ADGRD1: variants seen among roughly 807,000 people sequenced by gnomAD.
ADGRD1 encodes G-protein coupled receptor 133.
Under a neutral mutation model 113.4 loss-of-function variants are expected in ADGRD1, and 77 were observed. The ratio of observed to expected loss-of-function variants is 0.68; its 90% CI spans 0.57 to 0.82. ADGRD1 has a LOEUF of 0.82. ADGRD1 is among the 40% of genes least tolerant of loss of function. The pLI, the probability that ADGRD1 is intolerant of heterozygous loss-of-function variation, is 0.00. For missense variants in ADGRD1, 1,036 were observed against 1,139.1 expected, an observed-to-expected ratio of 0.91 and a Z score of 1.30; for synonymous variants, 474 against 475.0, an observed-to-expected ratio of 1.00 and a Z score of 0.03.
At chr12:131,127,049 G>A (rs1950753645) in intron 20 of ADGRD1, among the ~76,000 whole-genome samples, 1 of 151,970 alleles carries the variant, frequency 6.6e-6, no homozygotes, top group Non-Finnish European at 1.5e-5. Flanking sequence ...GGAAGCCACA[G>A]CAAATGTATC....
intron 12 of ADGRD1, among the ~76,000 whole-genome samples, chr12:131,011,878 G>C (rs1184938944): frequency 6.6e-6 from 1 of 152,204 alleles, no homozygotes; most frequent in African/African-American, 2.4e-5. Flanking sequence ...CACACCACAC[G>C]TCTTAGGGCC....
chr12:131,003,369 T>C lies in ADGRD1; in HGVS notation c.1144+67T>C. The C allele has an allele frequency of 1.8e-6, 2 of 1,083,448 alleles. No homozygotes were observed. Among genetic ancestry groups the C allele is most frequent in the Non-Finnish European group, 2.8e-6 (2 of 705,762 alleles). 67.1% of individuals were successfully genotyped at this position (1,083,448 alleles called of 1,614,324 possible). A position where few individuals can be genotyped will look rare whatever the true frequency, so the allele number is the denominator to read the frequency against. ...GGGCTGGAGGCTGCGTTTCACTGCC[T>C]GTCTTTTTACACCCTTAGCAGAGAG... On this transcript the variant is annotated intron_variant, in intron 10 of 24. Coordinates refer to ENST00000261654, the MANE Select transcript of ADGRD1 (RefSeq NM_198827.5). This position sits in a 1 kb window ranked among gnomAD's most constrained non-coding sequence, Gnocchi z 4.8.
chr12:131,121,607 T>G lies in ADGRD1; in HGVS notation c.2175+694T>G, dbSNP rs1391586228. ...GTTGGCCAGGCTGGTCTCGAACTCC[T>G]GACCTCAGGTGATCTGCCCTCCTCT... is the stretch of plus-strand genomic sequence containing the variant. On this transcript the variant is annotated intron_variant, in intron 20 of 24. Transcript: ENST00000261654. Among the ~76,000 whole-genome samples, 4 of 152,304 alleles carry G rather than the reference T, an allele frequency of 2.6e-5. No individual in the cohort carries two copies. The South Asian group carries it at 8.3e-4, about 32-fold the overall frequency.
chr12:131,123,596 C>T (rs1197934601), intron 20 of ADGRD1, among the ~76,000 whole-genome samples: 4 of 151,546 alleles, frequency 2.6e-5, no homozygotes, highest in Admixed American at 6.6e-5. Flanking sequence ...CCAAGGCAGG[C>T]GGATCATGAG....
At chr12:131,136,291 C>T (rs943249230) in intron 22 of ADGRD1, 128 bp downstream of exon 22, 21 of 1,141,826 alleles carry the variant, frequency 1.8e-5, no homozygotes, top group South Asian at 7.3e-5. Flanking sequence ...GCCTGTAATG[C>T]GGGGCATCCC....
intron 13 of ADGRD1, among the ~76,000 whole-genome samples, chr12:131,017,069 C>T (rs1286392606): frequency 1.3e-5 from 2 of 151,486 alleles, no homozygotes; most frequent in Non-Finnish European, 2.9e-5. Context: ...GAAGGTGAGG[C>T]GGGGGCAAGT....
intron 13 of ADGRD1, chr12:131,026,969 A>G (rs1276278642): frequency 6.6e-6 from 1 of 152,180 alleles, no homozygotes; most frequent in Non-Finnish European, 1.5e-5. Context: ...TCAGATTCAG[A>G]ACCATATTTG....
intron 4 of ADGRD1, among the ~76,000 whole-genome samples, chr12:130,980,435 T>G (rs1355668243): frequency 1.4e-5 from 2 of 145,378 alleles, no homozygotes; most frequent in African/African-American, 5.2e-5. Flanking sequence ...TCTTGCTCTG[T>G]TGCCCAGGCT....
At chr12:131,131,994 T>A (rs955172188) in intron 21 of ADGRD1, among the ~76,000 whole-genome samples, 178 bp downstream of exon 21, 1 of 152,196 alleles carries the variant, frequency 6.6e-6, no homozygotes, top group Non-Finnish European at 1.5e-5. Flanking sequence ...TTGGCTCTCG[T>A]GACCCAGGAC....
chr12:130,998,186 G>T (rs143638457), intron 8 of ADGRD1, among the ~76,000 whole-genome samples: 4 of 152,104 alleles, frequency 2.6e-5, no homozygotes, highest in African/African-American at 9.6e-5. Flanking sequence ...GAGGGAGACC[G>T]TGGGGAGAGG....
Position 130,954,352 on chromosome 12 carries a change from C to T in ADGRD1, c.-114C>T. The T allele has an allele frequency of 4.4e-6, 4 of 905,146 alleles. No individual in the cohort carries two copies. The highest frequency in any genetic ancestry group is 6.7e-6 in the Non-Finnish European group (4 of 598,958). The allele number at this position is 905,146 out of a possible 1,614,324, so 56.1% of individuals were successfully genotyped here. A position where few individuals can be genotyped will look rare whatever the true frequency, so the allele number is the denominator to read the frequency against. Reference sequence around the variant, plus strand: ...AACTTTAAGGAGACAGAAATTTTCTCCCCTGGAACCTGTGAAAATGTCCCT... The same window carrying T: ...AACTTTAAGGAGACAGAAATTTTCTTCCCTGGAACCTGTGAAAATGTCCCT... On this transcript the variant is annotated 5_prime_UTR_variant, in exon 1 of 25. Coordinates refer to ENST00000261654, the MANE Select transcript of ADGRD1 (RefSeq NM_198827.5). This position sits in a 1 kb window ranked among gnomAD's most constrained non-coding sequence, Gnocchi z 4.7.
At chr12:130,956,108 T>A (rs1401915482) in intron 2 of ADGRD1, among the ~76,000 whole-genome samples, 1 of 152,164 alleles carries the variant, frequency 6.6e-6, no homozygotes, top group African/African-American at 2.4e-5. Flanking sequence ...CCTTTAATGA[T>A]CAACCACAAA....
intron 13 of ADGRD1, among the ~76,000 whole-genome samples, chr12:131,033,210 G>A (rs148535281): frequency 0.012 from 1,832 of 151,938 alleles, 44 homozygotes; most frequent in African/African-American, 0.042. Flanking sequence ...CGTTGGGTGG[G>A]TCCCCTGTAG....
chr12:130,986,932 C>T, intron 5 of ADGRD1, 163 bp from the exon 6 acceptor site: 2 of 615,610 alleles, frequency 3.2e-6, no homozygotes, highest in Non-Finnish European at 5.7e-6. Context: ...CTCCAAAGGA[C>T]TGGGGAAAGT....
rs73477382 is a variant in ADGRD1 at position 131,044,859 on chromosome 12, C to T, written c.1473+30519C>T. On this transcript the variant is annotated intron_variant, in intron 13 of 24. Coordinates refer to ENST00000261654, the MANE Select transcript of ADGRD1 (RefSeq NM_198827.5). The stretch of plus-strand genomic sequence containing the variant: ...TTAAAGGACAAAAATGAAACCGAAA[C>T]CCGAAGAGCACGCCCGCCTCGCGCC... Among the ~76,000 whole-genome samples the T allele has an allele frequency of 1.1e-4, 16 of 152,348 alleles. 1 individual carries two copies. Among genetic ancestry groups the T allele is most frequent in the South Asian group, 4.1e-4 (2 of 4,832 alleles).
intron 18 of ADGRD1, 35 bp downstream of exon 18, chr12:131,108,912 G>T: frequency 7.5e-7 from 1 of 1,326,026 alleles, no homozygotes; most frequent in South Asian, 1.3e-5. Flanking sequence ...TGGCGGGGCG[G>T]GAGGGACAGG....
rs909998453 is a variant in ADGRD1, at chr12:131,139,869, G to A, written c.*606G>A. ...ACCTGTGCTGTGTCATCAGTTGGGG[G>A]CCCCTGCCCAAGCCGAGCTCGAGCC... is the stretch of plus-strand genomic sequence containing the variant. On this transcript the variant is annotated 3_prime_UTR_variant, in exon 25 of 25. Coordinates refer to ENST00000261654, the MANE Select transcript of ADGRD1 (RefSeq NM_198827.5). The A allele has an allele frequency of 6.6e-6, 1 of 152,590 alleles. No individual in the cohort carries two copies. Among genetic ancestry groups the A allele is most frequent in the Non-Finnish European group, 1.5e-5 (1 of 68,356 alleles). 9.5% of individuals were successfully genotyped at this position (152,590 alleles called of 1,614,324 possible). A position where few individuals can be genotyped will look rare whatever the true frequency, so the allele number is the denominator to read the frequency against.
intron 24 of ADGRD1, among the ~76,000 whole-genome samples, chr12:131,138,775 C>T (rs546112449): frequency 6.6e-6 from 1 of 152,368 alleles, no homozygotes; most frequent in African/African-American, 2.4e-5. Flanking sequence ...CTGGCTGGCT[C>T]ATGGGCTGCT....
At chr12:131,136,239 AG>A in intron 22 of ADGRD1, 76 bp downstream of exon 22, 2 of 1,555,344 alleles carry the variant, frequency 1.3e-6, no homozygotes. Context: ...CTAGGGCTGC[AG>A]GGGCAGGAGG....
Sources: allele counts gnomAD v4.1 joint callset (sites outside exome capture counted in the v4.1 genomes callset), GRCh38; gene constraint gnomAD v4.1.1; non-coding constraint Gnocchi (gnomAD v3.1); transcripts MANE v1.5; gene names NCBI Gene and HGNC (gene_info 2026-07-23, HGNC 2026-07-21).